The following ZNF469 variants were observed in gnomAD, a reference collection of about 807,000 sequenced individuals.
ZNF469 encodes the protein zinc finger protein 469.
In ZNF469, 1 loss-of-function variant was observed where a neutral mutation model predicts 1.0. The observed-to-expected ratio is 1.00, with a 90% confidence interval of 0.35 to 4.73. The LOEUF (loss-of-function observed/expected upper bound fraction) is 4.73, where lower values mean the gene tolerates loss of function less well. ZNF469 is among the 30% of genes most tolerant of loss of function. ZNF469 has a pLI of 0.16. For synonymous variants in ZNF469, 2,703 were observed against 2,363.4 expected (o/e 1.14, Z -4.17); for missense variants, 6,100 against 5,356.3 (o/e 1.14, Z -4.33).
Position 88,438,137 on chromosome 16 carries a change from C to G in ZNF469, c.10667C>G (p.Ser3556Cys). The G allele has an allele frequency of 1.3e-6, 2 of 1,550,390 alleles. No individual in the cohort carries two copies. Among genetic ancestry groups the G allele is most frequent in the South Asian group, 2.4e-5 (2 of 84,060 alleles). The change falls in exon 3 of 3, where the codon TCT (serine) becomes TGT (cysteine). Residue 3556 changes from serine (S) to cysteine (C), a missense_variant. Ser to Cys is a moderately radical substitution (Grantham distance 112). Coordinates refer to ENST00000565624, the MANE Select transcript of ZNF469 (RefSeq NM_001367624.2). ...NHQECPPPSLSPFPAALADGR... is the reference protein window; with the variant it reads ...NHQECPPPSLCPFPAALADGR... ...CAGGAGTGTCCCCCGCCGTCTCTGT[C>G]TCCCTTCCCAGCTGCCTTGGCTGAT...
chr16:88,406,637 G>C (rs1004103512), intron 1 of ZNF469, among the ~76,000 whole-genome samples: 1 of 152,208 alleles, frequency 6.6e-6, no homozygotes, highest in Non-Finnish European at 1.5e-5. Context: ...CTGACCCCAC[G>C]CGCCTGCAGC....
the ZNF469 span, among the ~76,000 whole-genome samples, chr16:88,179,989 C>G: frequency 3.3e-5 from 5 of 152,118 alleles, no homozygotes; most frequent in African/African-American, 1.2e-4. Context: ...CTACTGCAAC[C>G]ATGAACAGCT....
the ZNF469 span, among the ~76,000 whole-genome samples, chr16:88,163,788 G>T: frequency 6.6e-6 from 1 of 152,002 alleles, no homozygotes; most frequent in Non-Finnish European, 1.5e-5. Flanking sequence ...TGCCTGAAAG[G>T]GTGGGTAAGT....
chr16:88,434,396 AG>A lies in ZNF469; in HGVS notation c.6927del (p.Ser2310AlafsTer163). 1 of 1,549,752 alleles carries A rather than the reference AG, an allele frequency of 6.5e-7. No individual in the cohort carries two copies. Among genetic ancestry groups the A allele is most frequent in the Non-Finnish European group, 8.7e-7 (1 of 1,146,904 alleles). On this transcript the variant is annotated frameshift_variant, in exon 3 of 3. Coordinates refer to ENST00000565624, the MANE Select transcript of ZNF469 (RefSeq NM_001367624.2). LOFTEE classifies it low-confidence loss of function (END_TRUNC). Reference protein sequence around the residue: ...AGRGLPGPDPQSRGAPPHTNP... With the variant: ...AGRGLPGPDPXSRGAPPHTNP... ...AGGGGACTCCCAGGGCCAGACCCCC[AG>A]AGCAGGGGAGCCCCGCCCCACACCA...
Position 88,439,181 on chromosome 16 carries a change from C to T in ZNF469, c.11711C>T (p.Pro3904Leu), listed in dbSNP as rs1217521195. The T allele has an allele frequency of 6.5e-7, 1 of 1,550,336 alleles. No individual in the cohort carries two copies. The highest frequency in any genetic ancestry group is 1.4e-5 in the African/African-American group (1 of 73,074). Residue 3904 changes from proline (P) to leucine (L), a missense_variant, in exon 3 of 3, where the codon CCC (proline) becomes CTC (leucine). By Grantham distance (98) the Pro-to-Leu change is moderately conservative. Transcript: ENST00000565624. ...AFPQGRPLLR[P>L]PKRGTAVHGA... Reference sequence around the variant, plus strand: ...CCCCAGGGGAGACCCCTGCTCAGGCCCCCCAAGAGGGGCACAGCTGTCCAC... The same window carrying T: ...CCCCAGGGGAGACCCCTGCTCAGGCTCCCCAAGAGGGGCACAGCTGTCCAC...
the ZNF469 span, among the ~76,000 whole-genome samples, chr16:88,215,383 A>ACTTTTTTT: frequency 2.2e-4 from 21 of 94,184 alleles, no homozygotes; most frequent in Admixed American, 4.7e-4. Context: ...TTGCCTTTTA[A>ACTTTTTTT]TTTTTTTTTT....
chr16:88,110,046 G>T, the ZNF469 span, among the ~76,000 whole-genome samples: 1 of 152,238 alleles, frequency 6.6e-6, no homozygotes, highest in Non-Finnish European at 1.5e-5. Flanking sequence ...GAATGCCTGG[G>T]CCTCACCATT....
the ZNF469 span, among the ~76,000 whole-genome samples, chr16:88,215,692 C>A: frequency 3.3e-5 from 5 of 151,812 alleles, no homozygotes; most frequent in Non-Finnish European, 7.4e-5. Context: ...ACCTGGCCAG[C>A]CTTTTTTTTT....
chr16:88,205,662 C>T, the ZNF469 span, among the ~76,000 whole-genome samples: 3 of 152,264 alleles, frequency 2.0e-5, no homozygotes, highest in East Asian at 3.9e-4. This position sits in a 1 kb window ranked among gnomAD's most constrained non-coding sequence, Gnocchi z 4.2. Context: ...GTACAAGGCA[C>T]GGATGCGGAA....
the ZNF469 span, among the ~76,000 whole-genome samples, chr16:88,195,669 G>A: frequency 6.6e-6 from 1 of 152,234 alleles, no homozygotes; most frequent in Non-Finnish European, 1.5e-5. Flanking sequence ...AACAATGGCA[G>A]ATGGACGTTT....
At chr16:88,381,668 G>A (rs1211331051), upstream of ZNF469, among the ~76,000 whole-genome samples, 1 of 152,278 alleles carries the variant, frequency 6.6e-6, no homozygotes, top group Admixed American at 6.5e-5. Flanking sequence ...TGATGCCATG[G>A]AAATGTGAGC....
At chr16:88,112,919 AG>A in the ZNF469 span, among the ~76,000 whole-genome samples, 1 of 151,950 alleles carries the variant, frequency 6.6e-6, no homozygotes, top group Non-Finnish European at 1.5e-5. Flanking sequence ...CTGGGACTAC[AG>A]GTGCCCGCCA....
At chr16:88,317,798 A>G in the ZNF469 span, among the ~76,000 whole-genome samples, 1 of 152,028 alleles carries the variant, frequency 6.6e-6, no homozygotes, top group Non-Finnish European at 1.5e-5. Flanking sequence ...TTCCCTCTTT[A>G]TCTCCCAAAT....
chr16:88,137,164 C>A, the ZNF469 span, among the ~76,000 whole-genome samples: 3,485 of 152,264 alleles, frequency 0.023, 124 homozygotes, highest in African/African-American at 0.079. Context: ...CGTGTGCATA[C>A]AACCATGTGT....
At chr16:88,131,920 G>T in the ZNF469 span, among the ~76,000 whole-genome samples, 1 of 152,222 alleles carries the variant, frequency 6.6e-6, no homozygotes, top group African/African-American at 2.4e-5. Context: ...GCTCTGGGTG[G>T]GATGCTGCCT....
At chr16:88,391,238 C>T (rs192448155) in intron 1 of ZNF469, among the ~76,000 whole-genome samples, 234 of 152,382 alleles carry the variant, frequency 1.5e-3, no homozygotes, top group Non-Finnish European at 2.7e-3. Flanking sequence ...GCACCATGTG[C>T]AGGGTCTGGG....
At chr16:88,396,534 G>A (rs1904667654) in intron 1 of ZNF469, among the ~76,000 whole-genome samples, 1 of 150,916 alleles carries the variant, frequency 6.6e-6, no homozygotes. Context: ...CGTCTGAAGG[G>A]AGGCCGGGAG....
chr16:88,199,962 G>A, the ZNF469 span, among the ~76,000 whole-genome samples: 14 of 152,314 alleles, frequency 9.2e-5, no homozygotes, highest in Middle Eastern at 3.4e-3. Flanking sequence ...CGAGGACCCC[G>A]CAGCAAGGGC....
chr16:88,219,146 A>C, the ZNF469 span, among the ~76,000 whole-genome samples: 2 of 148,326 alleles, frequency 1.3e-5, no homozygotes, highest in Non-Finnish European at 3.0e-5. Flanking sequence ...AGAACATTCC[A>C]TGCTCATGGG....
Sources: allele counts gnomAD v4.1 joint callset (sites outside exome capture counted in the v4.1 genomes callset), GRCh38; gene constraint gnomAD v4.1.1; non-coding constraint Gnocchi (gnomAD v3.1); transcripts MANE v1.5; gene names NCBI Gene and HGNC (gene_info 2026-07-23, HGNC 2026-07-21).